PCDH11X: variants seen among roughly 807,000 people sequenced by gnomAD.
PCDH11X encodes the protein protocadherin 11 X-linked.
PCDH11X carries 18 observed loss-of-function variants against 53.3 expected under a neutral mutation model. The ratio of observed to expected loss-of-function variants is 0.34; its 90% confidence interval spans 0.23 to 0.50. PCDH11X has a LOEUF of 0.50. PCDH11X is among the 20% of genes least tolerant of loss of function. The pLI is 0.98. For missense variants in PCDH11X, 570 were observed against 1,032.4 expected (o/e 0.55, Z 6.14); for synonymous variants, 279 against 393.3 (o/e 0.71, Z 3.44).
intron 6 of PCDH11X, among the ~76,000 whole-genome samples, chrX:92,108,632 TGATAGAAG>T (rs2148152169): frequency 8.9e-6 from 1 of 112,081 alleles, no homozygotes; most frequent in Non-Finnish European, 1.9e-5. Context: ...GGCTGGTTTT[TGATAGAAG>T]AATGTGGGAG....
At chrX:92,325,538 T>A in intron 8 of PCDH11X, among the ~76,000 whole-genome samples, 1 of 111,416 alleles carries the variant, frequency 9.0e-6, no homozygotes, top group Non-Finnish European at 1.9e-5. Flanking sequence ...TTAAATGACA[T>A]TTTCAGCCAA....
At chrX:92,002,382 G>A (rs2062525252) in intron 6 of PCDH11X, among the ~76,000 whole-genome samples, 1 of 108,533 alleles carries the variant, frequency 9.2e-6, no homozygotes, top group South Asian at 4.1e-4. Context: ...GGCTATTCTG[G>A]GTCTTTTGTG....
At chrX:92,045,287 A>G in intron 6 of PCDH11X, among the ~76,000 whole-genome samples, 1 of 102,585 alleles carries the variant, frequency 9.7e-6, no homozygotes, top group Admixed American at 1.1e-4. Flanking sequence ...TAAACTCAGG[A>G]AAAAACTGAT....
At chrX:92,480,704 G>C (rs765634420) in intron 10 of PCDH11X, among the ~76,000 whole-genome samples, 2 of 110,892 alleles carry the variant, frequency 1.8e-5, no homozygotes, top group Non-Finnish European at 3.8e-5. Context: ...GCTCCTCAAA[G>C]TTAGGAACCC....
At chrX:92,251,230 C>T (rs866670768) in intron 7 of PCDH11X, among the ~76,000 whole-genome samples, 14 of 110,502 alleles carry the variant, frequency 1.3e-4, no homozygotes, top group Admixed American at 3.9e-4. Flanking sequence ...CTCGATAATA[C>T]GGTTCCAGAA....
intron 9 of PCDH11X, among the ~76,000 whole-genome samples, chrX:92,388,749 G>C (rs1170068678): frequency 9.2e-6 from 1 of 108,571 alleles, no homozygotes; most frequent in Non-Finnish European, 1.9e-5. Context: ...TGAGAAAAAA[G>C]TCATAGCCAT....
intron 10 of PCDH11X, among the ~76,000 whole-genome samples, chrX:92,616,658 A>T (rs1242602409): frequency 1.8e-5 from 2 of 110,570 alleles, no homozygotes; most frequent in Non-Finnish European, 3.8e-5. Context: ...AAATCAGATC[A>T]TGTGAGTCCA....
intron 6 of PCDH11X, among the ~76,000 whole-genome samples, chrX:92,069,282 A>G (rs1203317630): frequency 2.8e-5 from 3 of 108,869 alleles, no homozygotes; most frequent in African/African-American, 1.0e-4. Context: ...TAATGTCACT[A>G]TACATACTCC....
At chrX:91,881,983 TAA>T (rs754152059) in intron 6 of PCDH11X, among the ~76,000 whole-genome samples, 29 of 110,790 alleles carry the variant, frequency 2.6e-4, no homozygotes, top group Admixed American at 7.7e-4. Flanking sequence ...TAGTAGACTA[TAA>T]GAGACAAGGG....
intron 7 of PCDH11X, among the ~76,000 whole-genome samples, chrX:92,236,150 C>T (rs1190235679): frequency 9.0e-6 from 1 of 110,996 alleles, no homozygotes; most frequent in Non-Finnish European, 1.9e-5. Context: ...ATTACTGTGA[C>T]TATTTTGAAC....
chrX:92,241,541 G>T (rs1280256898), intron 7 of PCDH11X, among the ~76,000 whole-genome samples: 2 of 111,408 alleles, frequency 1.8e-5, no homozygotes, highest in Non-Finnish European at 3.8e-5. Context: ...TTTAAAAATT[G>T]TCCCTTGTCA....
intron 6 of PCDH11X, among the ~76,000 whole-genome samples, chrX:91,994,287 C>T (rs2062374122): frequency 9.2e-6 from 1 of 108,210 alleles, no homozygotes; most frequent in African/African-American, 3.4e-5. Context: ...AGTTTGTACC[C>T]TTTCACCAAC....
At chrX:92,357,830 GT>G (rs775851782) in intron 8 of PCDH11X, among the ~76,000 whole-genome samples, 2,099 of 111,405 alleles carry the variant, frequency 0.019, 50 homozygotes, top group African/African-American at 0.066. Context: ...TGTTATGTCT[GT>G]TTTTTTATAC....
chrX:91,853,070 A>G (rs1938121069), intron 5 of PCDH11X, among the ~76,000 whole-genome samples: 1 of 103,906 alleles, frequency 9.6e-6, no homozygotes, highest in Non-Finnish European at 2.0e-5. Flanking sequence ...ATTAGGACAT[A>G]TATCAAGTCC....
intron 9 of PCDH11X, among the ~76,000 whole-genome samples, chrX:92,399,192 C>CAAAAAAAAAAAAAAAAAAAAAAA (rs376361040): frequency 2.2e-5 from 2 of 91,586 alleles, no homozygotes; most frequent in African/African-American, 8.4e-5. Context: ...GACTCCGTGT[C>CAAAAAAAAAAAAAAAAAAAAAAA]AAAAAAAAAA....
In PCDH11X at chrX:92,357,662, C is replaced by G. The variant is rs780682261; in HGVS notation, c.3145-30073C>G. ...GTCAGAACTTTGATATTGGACTTCC[C>G]AGACTCAAGAACTGTGAGAAATAAA... On this transcript the variant is annotated intron_variant, in intron 8 of 10. Transcript: ENST00000682573. Among the ~76,000 whole-genome samples the G allele has an allele frequency of 4.2e-3, 455 of 108,942 alleles. 3 individuals carry two copies. Among genetic ancestry groups the G allele is most frequent in the Middle Eastern group, 9.4e-3 (2 of 213 alleles). 94.6% of individuals were successfully genotyped at this position (108,942 alleles called of 115,157 possible). A position where few individuals can be genotyped will look rare whatever the true frequency, so the allele number is the denominator to read the frequency against.
chrX:92,385,846 A>G (rs1241180415), intron 8 of PCDH11X, among the ~76,000 whole-genome samples: 1 of 110,564 alleles, frequency 9.0e-6, no homozygotes, highest in African/African-American at 3.3e-5. Flanking sequence ...AAAACAAACA[A>G]CAGCAAAAAC....
intron 9 of PCDH11X, among the ~76,000 whole-genome samples, chrX:92,465,951 A>G (rs1351894159): frequency 1.8e-5 from 2 of 111,362 alleles, no homozygotes; most frequent in African/African-American, 6.5e-5. Context: ...TTATGCAAAC[A>G]TAATTTTTTA....
At chrX:92,117,212 G>A (rs1223431760) in intron 6 of PCDH11X, among the ~76,000 whole-genome samples, 2 of 108,897 alleles carry the variant, frequency 1.8e-5, no homozygotes, top group South Asian at 8.1e-4. Flanking sequence ...CAAGGCGGGT[G>A]GATCACCTGA....
Sources: gnomAD v4.1 joint callset for allele counts (sites outside exome capture counted in the v4.1 genomes callset) on GRCh38, gnomAD v4.1.1 for gene constraint, MANE v1.5 for transcripts, NCBI Gene and HGNC (gene_info 2026-07-23, HGNC 2026-07-21) for gene names.